ARHGEF26: variants seen among roughly 807,000 people sequenced by gnomAD.
ARHGEF26 encodes Rho guanine nucleotide exchange factor (GEF) 26.
A neutral mutation model predicts 89.4 loss-of-function variants in ARHGEF26; 59 were observed. The ratio of observed to expected loss-of-function variants is 0.66; its 90% CI spans 0.54 to 0.82. ARHGEF26 has a LOEUF of 0.82. Among genes scored for constraint, ARHGEF26 ranks in the 40% least tolerant of loss-of-function variants. The probability of loss-of-function intolerance (pLI) is 0.00; values close to 1 mark genes in which losing one functional copy is unlikely to be tolerated. For missense variants in ARHGEF26, 1,234 were observed against 1,085.6 expected (o/e 1.14, Z -1.92); for synonymous variants, 500 against 428.4 (o/e 1.17, Z -2.06).
At chr3:154,247,054 T>A (rs1043201103) in intron 12 of ARHGEF26, among the ~76,000 whole-genome samples, 3 of 152,164 alleles carry the variant, frequency 2.0e-5, no homozygotes, top group Admixed American at 2.0e-4. Flanking sequence ...AGCAGTCCAA[T>A]CTTCCTTTCT....
chr3:154,123,313 A>G (rs1448434063), intron 2 of ARHGEF26, among the ~76,000 whole-genome samples: 3 of 152,226 alleles, frequency 2.0e-5, no homozygotes, highest in Non-Finnish European at 4.4e-5. Flanking sequence ...TTCTAAGCTC[A>G]GGCAGAATTG....
intron 6 of ARHGEF26, among the ~76,000 whole-genome samples, chr3:154,158,764 A>G (rs1055247984): frequency 6.7e-6 from 1 of 148,506 alleles, no homozygotes; most frequent in African/African-American, 2.5e-5. Flanking sequence ...CACACATAGT[A>G]TATACTTTGC....
At chr3:154,222,802 G>T (rs1453226836) in intron 10 of ARHGEF26, among the ~76,000 whole-genome samples, 3 of 152,114 alleles carry the variant, frequency 2.0e-5, no homozygotes, top group Non-Finnish European at 4.4e-5. Flanking sequence ...TAGTCTTCAG[G>T]ATAGTTTGCA....
intron 11 of ARHGEF26, among the ~76,000 whole-genome samples, chr3:154,239,299 A>AGAGTGTGTGTGTGT (rs1182446964): frequency 4.7e-5 from 3 of 64,254 alleles, no homozygotes; most frequent in Admixed American, 2.0e-4. Flanking sequence ...AGAGAGAGAG[A>AGAGTGTGTGTGTGT]GTGTGTGTGT....
intron 4 of ARHGEF26, among the ~76,000 whole-genome samples, chr3:154,145,294 A>T (rs911868870): frequency 3.9e-5 from 6 of 152,144 alleles, no homozygotes; most frequent in African/African-American, 1.4e-4. Flanking sequence ...AGGTTACATT[A>T]AGTCTGTAGA....
chr3:154,192,744 G>A (rs1273605841), intron 8 of ARHGEF26, among the ~76,000 whole-genome samples: 1 of 152,116 alleles, frequency 6.6e-6, no homozygotes, highest in Non-Finnish European at 1.5e-5. Flanking sequence ...AGCAAGAAGT[G>A]AATGCCTTGT....
chr3:154,236,061 C>T (rs1024516069), intron 11 of ARHGEF26, among the ~76,000 whole-genome samples: 2 of 152,088 alleles, frequency 1.3e-5, no homozygotes, highest in Non-Finnish European at 2.9e-5. Context: ...AAGAAAGCCA[C>T]TGTTGATAAT....
At position 154,254,130 on chromosome 3, in the gene ARHGEF26, T is replaced by A. The variant is rs547168202; in HGVS notation, c.2369-590T>A. ...CGGGGTTTCACCGTGTTAGCCAGGA[T>A]GGTCCCAATCTCCTGACCTCGTGAT... On this transcript the variant is annotated intron_variant, in intron 13 of 14. Transcript: ENST00000465093. Among the ~76,000 whole-genome samples, 6 of 152,280 alleles carry A rather than the reference T, an allele frequency of 3.9e-5. No individual in the cohort carries two copies. In the East Asian group the frequency reaches 1.2e-3, roughly 30 times the overall value.
intron 9 of ARHGEF26, among the ~76,000 whole-genome samples, chr3:154,201,416 G>A (rs1232123264): frequency 1.3e-5 from 2 of 151,934 alleles, no homozygotes; most frequent in Non-Finnish European, 2.9e-5. Context: ...TTGGACATTT[G>A]GGTTGGTTCC....
chr3:154,222,030 C>T (rs191184320), intron 10 of ARHGEF26, among the ~76,000 whole-genome samples: 110 of 152,238 alleles, frequency 7.2e-4, no homozygotes, highest in African/African-American at 2.6e-3. Flanking sequence ...CACATGAACC[C>T]TATAATGTAC....
intron 9 of ARHGEF26, among the ~76,000 whole-genome samples, chr3:154,203,228 A>G (rs763799752): frequency 1.3e-5 from 2 of 152,074 alleles, no homozygotes; most frequent in Non-Finnish European, 2.9e-5. Context: ...AATTTTGTCA[A>G]AGGCCTTTTC....
intron 4 of ARHGEF26, among the ~76,000 whole-genome samples, chr3:154,132,477 G>C (rs1718739010): frequency 6.6e-6 from 1 of 152,040 alleles, no homozygotes; most frequent in African/African-American, 2.4e-5. Context: ...TAGGAAAGTA[G>C]ATATTTTAAC....
At chr3:154,171,837 A>G (rs1248740843) in intron 6 of ARHGEF26, among the ~76,000 whole-genome samples, 4 of 152,086 alleles carry the variant, frequency 2.6e-5, no homozygotes, top group African/African-American at 9.7e-5. Context: ...AAGCCCTGAG[A>G]CCTTCCAACA....
At chr3:154,188,702 ACCC>A (rs747238490) in intron 7 of ARHGEF26, among the ~76,000 whole-genome samples, 1 of 152,010 alleles carries the variant, frequency 6.6e-6, no homozygotes, top group Non-Finnish European at 1.5e-5. Context: ...AATATGTGAG[ACCC>A]CTATGGAGGA....
chr3:154,213,744 G>T (rs1475746131), intron 9 of ARHGEF26, among the ~76,000 whole-genome samples: 1 of 152,130 alleles, frequency 6.6e-6, no homozygotes, highest in Admixed American at 6.5e-5. Flanking sequence ...AGACCAGCCT[G>T]AGCAATGTAG....
intron 9 of ARHGEF26, among the ~76,000 whole-genome samples, chr3:154,205,731 A>G (rs1714976915): frequency 6.6e-6 from 1 of 152,086 alleles, no homozygotes; most frequent in Non-Finnish European, 1.5e-5. Flanking sequence ...CACTATTTGC[A>G]TAAGCAAGGA....
intron 7 of ARHGEF26, among the ~76,000 whole-genome samples, chr3:154,188,306 CCACT>C (rs1713721897): frequency 6.6e-6 from 1 of 152,154 alleles, no homozygotes; most frequent in Non-Finnish European, 1.5e-5. Context: ...ATTATTCCCC[CCACT>C]TGGGTAGTTA....
In ARHGEF26 at chr3:154,194,734, C is replaced by T; in HGVS notation, c.1845+16C>T. On this transcript the variant is annotated intron_variant, in intron 9 of 14. Coordinates refer to ENST00000465093, the MANE Select transcript of ARHGEF26 (RefSeq NM_015595.4). ...AGTTAGCAAGGTAACTGTTGGGTGACAGTTTGTTTGTAAGACAGGAAACCA... is the reference window on the plus strand; with the variant it reads ...AGTTAGCAAGGTAACTGTTGGGTGATAGTTTGTTTGTAAGACAGGAAACCA... 6.2e-7 allele frequency: 1 copy of T among 1,605,404 alleles called. No individual in the cohort carries two copies. The highest frequency in any genetic ancestry group is 8.5e-7 in the Non-Finnish European group (1 of 1,174,614).
chr3:154,237,538 T>TCTCACACACA (rs1553751364), intron 11 of ARHGEF26, among the ~76,000 whole-genome samples: 20 of 143,298 alleles, frequency 1.4e-4, no homozygotes, highest in African/African-American at 3.9e-4. Flanking sequence ...TGAGACTCCG[T>TCTCACACACA]CACACACACA....
Sources: gnomAD v4.1 joint callset for allele counts (sites outside exome capture counted in the v4.1 genomes callset) on GRCh38, gnomAD v4.1.1 for gene constraint, MANE v1.5 for transcripts, NCBI Gene and HGNC (gene_info 2026-07-23, HGNC 2026-07-21) for gene names.